GALNT13: variants seen among roughly 807,000 people sequenced by gnomAD.
GALNT13 encodes the protein polypeptide N-acetylgalactosaminyltransferase 13.
In GALNT13, 28 loss-of-function variants were observed where a neutral mutation model predicts 64.2. The observed-to-expected ratio is 0.44, with a 90% CI of 0.32 to 0.60. GALNT13 has a LOEUF of 0.60. Ranked by LOEUF, GALNT13 falls within the 20% of genes least tolerant of loss-of-function variation. The pLI, the probability that GALNT13 is intolerant of heterozygous loss-of-function variation, is 0.05. For missense variants in GALNT13, 577 were observed against 669.8 expected (o/e 0.86, Z 1.53); for synonymous variants, 214 against 224.6 (o/e 0.95, Z 0.42).
At chr2:153,441,282 C>T in the GALNT13 span, among the ~76,000 whole-genome samples, 1 of 152,040 alleles carries the variant, frequency 6.6e-6, no homozygotes, top group African/African-American at 2.4e-5. Flanking sequence ...ATTACTGAGA[C>T]CTCTATTATG....
chr2:153,226,976 A>G, the GALNT13 span, among the ~76,000 whole-genome samples: 1 of 152,346 alleles, frequency 6.6e-6, no homozygotes, highest in South Asian at 2.1e-4. Context: ...CAGGAGAAAA[A>G]TAAGTATGAA....
the GALNT13 span, among the ~76,000 whole-genome samples, chr2:153,346,162 C>A: frequency 2.0e-5 from 3 of 152,194 alleles, no homozygotes; most frequent in East Asian, 5.8e-4. Context: ...GAAGCTCCAG[C>A]GATTTGCTCT....
the GALNT13 span, among the ~76,000 whole-genome samples, chr2:153,427,965 T>G: frequency 1.3e-5 from 2 of 152,206 alleles, no homozygotes; most frequent in African/African-American, 4.8e-5. Context: ...ATAAGTTTGT[T>G]TATACTTTTT....
chr2:153,420,527 A>G, the GALNT13 span: 1 of 153,766 alleles, frequency 6.5e-6, no homozygotes, highest in Non-Finnish European at 1.5e-5. Flanking sequence ...GACATGATGG[A>G]AAAATCTTGT....
At chr2:153,114,043 G>T in the GALNT13 span, among the ~76,000 whole-genome samples, 1 of 151,992 alleles carries the variant, frequency 6.6e-6, no homozygotes, top group Non-Finnish European at 1.5e-5. Flanking sequence ...TTTTAGCTAG[G>T]CTTTCCCTAG....
At chr2:153,339,320 G>A in the GALNT13 span, among the ~76,000 whole-genome samples, 1 of 152,144 alleles carries the variant, frequency 6.6e-6, no homozygotes, top group Non-Finnish European at 1.5e-5. Context: ...CTAACAAAAT[G>A]AGACAATATC....
At chr2:153,616,603 T>G in the GALNT13 span, among the ~76,000 whole-genome samples, 1 of 151,996 alleles carries the variant, frequency 6.6e-6, no homozygotes, top group Non-Finnish European at 1.5e-5. Context: ...TTCAGTTTCT[T>G]TCATCAGTGT....
chr2:153,157,691 T>C, the GALNT13 span, among the ~76,000 whole-genome samples: 1 of 152,134 alleles, frequency 6.6e-6, no homozygotes, highest in Non-Finnish European at 1.5e-5. Flanking sequence ...ATTTACTTGG[T>C]TTCTTATGTC....
the GALNT13 span, among the ~76,000 whole-genome samples, chr2:153,219,796 AT>A: frequency 6.6e-6 from 1 of 152,242 alleles, no homozygotes; most frequent in African/African-American, 2.4e-5. Context: ...AGTGTGGGAA[AT>A]TTCATCCTTT....
chr2:153,074,594 C>CT, the GALNT13 span, among the ~76,000 whole-genome samples: 17 of 152,232 alleles, frequency 1.1e-4, no homozygotes, highest in African/African-American at 4.1e-4. Flanking sequence ...GTTACCATGG[C>CT]TACAGCATCA....
chr2:153,900,754 A>G (rs908713695), intron 1 of GALNT13, among the ~76,000 whole-genome samples, 182 bp from the exon 2 acceptor site: 4 of 152,102 alleles, frequency 2.6e-5, no homozygotes, highest in African/African-American at 9.7e-5. Flanking sequence ...GAATATTTGC[A>G]TATAGTTGGG....
chr2:153,783,244 G>C, the GALNT13 span, among the ~76,000 whole-genome samples: 2 of 152,162 alleles, frequency 1.3e-5, no homozygotes, highest in Non-Finnish European at 2.9e-5. Flanking sequence ...AAAATATGCA[G>C]TTTGCAGTTT....
chr2:153,854,503 C>T, the GALNT13 span, among the ~76,000 whole-genome samples: 50 of 152,056 alleles, frequency 3.3e-4, no homozygotes, highest in Non-Finnish European at 5.9e-4. Context: ...ATCACTTGAA[C>T]CCGGGAGGTG....
the GALNT13 span, among the ~76,000 whole-genome samples, chr2:153,087,991 CTTT>C: frequency 6.6e-6 from 1 of 150,640 alleles, no homozygotes; most frequent in African/African-American, 2.4e-5. Flanking sequence ...TTTGTTATTT[CTTT>C]TTTTTTCTGC....
chr2:154,066,854 TG>T (rs1363549354), intron 3 of GALNT13, among the ~76,000 whole-genome samples: 4 of 152,090 alleles, frequency 2.6e-5, no homozygotes, highest in Non-Finnish European at 5.9e-5. Context: ...ACACTTTAAT[TG>T]TGGTATATCA....
the GALNT13 span, among the ~76,000 whole-genome samples, chr2:153,819,814 G>T: frequency 6.6e-6 from 1 of 152,098 alleles, no homozygotes; most frequent in Non-Finnish European, 1.5e-5. Flanking sequence ...TCTCCAGATG[G>T]GAAGAAACCA....
intron 9 of GALNT13, among the ~76,000 whole-genome samples, chr2:154,333,728 A>G (rs1238388306): frequency 1.3e-5 from 2 of 152,106 alleles, no homozygotes; most frequent in Admixed American, 6.6e-5. Flanking sequence ...TTATAAATGC[A>G]CAGCTCTTGC....
the GALNT13 span, among the ~76,000 whole-genome samples, chr2:153,303,253 T>C: frequency 6.6e-6 from 1 of 152,168 alleles, no homozygotes; most frequent in Non-Finnish European, 1.5e-5. Flanking sequence ...TACAGGTCTT[T>C]CACCTCCTTG....
At chr2:153,179,434 A>G in the GALNT13 span, among the ~76,000 whole-genome samples, 43 of 152,272 alleles carry the variant, frequency 2.8e-4, no homozygotes, top group African/African-American at 1.0e-3. Context: ...TTCCAGTACC[A>G]TGCTATTTAA....
Sources: gnomAD v4.1 joint callset for allele counts (sites outside exome capture counted in the v4.1 genomes callset) on GRCh38, gnomAD v4.1.1 for gene constraint, MANE v1.5 for transcripts, NCBI Gene and HGNC (gene_info 2026-07-23, HGNC 2026-07-21) for gene names.